Variants in ZNF717 observed in about 807,000 individuals in gnomAD.
ZNF717 encodes the protein krueppel-like factor X17.
ZNF717 carries 9 observed loss-of-function variants against 13.8 expected under a neutral mutation model. The observed-to-expected ratio is 0.65, with a 90% CI of 0.39 to 1.14. ZNF717 has a LOEUF of 1.14. Among genes scored for constraint, ZNF717 ranks in the 50% most tolerant of loss-of-function variants. The pLI is 0.01. For synonymous variants in ZNF717, 327 were observed against 364.1 expected (o/e 0.90, Z 1.16); for missense variants, 1,040 against 1,080.7 (o/e 0.96, Z 0.53).
At chr3:75,754,413 A>G (rs1942286602) in intron 2 of ZNF717, among the ~76,000 whole-genome samples, 1 of 149,470 alleles carries the variant, frequency 6.7e-6, no homozygotes, top group African/African-American at 2.5e-5. Flanking sequence ...AGACAAACCT[A>G]TGATTTTGGA....
Position 75,737,573 on chromosome 3 carries a change from A to G in ZNF717, c.2050T>C (p.Phe684Leu). ...RMDVMNVEKL[F>L]VRNHTLLYIR... ...TATAATAAGGTATGATTTCTGACAA[A>G]AAGTTTTTCCACATTCATTACATCC... The change falls in exon 5 of 5, where the codon TTT becomes CTT. Residue 684 changes from phenylalanine (F) to leucine (L), a missense_variant. By Grantham distance (22) the Phe-to-Leu change is conservative. Around this residue, in one of 3 missense-constraint regions of ZNF717, gnomAD observed 873 missense variants for 832.8 expected, o/e 1.05. Transcript: ENST00000652011. The G allele has an allele frequency of 6.5e-7, 1 of 1,544,974 alleles. No individual in the cohort carries two copies. Among genetic ancestry groups the G allele is most frequent in the Non-Finnish European group, 8.8e-7 (1 of 1,142,498 alleles).
intron 2 of ZNF717, among the ~76,000 whole-genome samples, chr3:75,755,030 G>A (rs961819252): frequency 2.6e-4 from 40 of 152,308 alleles, no homozygotes; most frequent in African/African-American, 9.1e-4. Flanking sequence ...CAAGAAGACA[G>A]TGAAATGGAA....
chr3:75,762,946 G>A (rs1943155730), intron 2 of ZNF717, among the ~76,000 whole-genome samples: 1 of 152,178 alleles, frequency 6.6e-6, no homozygotes, highest in Non-Finnish European at 1.5e-5. Context: ...AATGGTGAAG[G>A]ACAGTTTCTT....
At chr3:75,760,680 A>T (rs7624780) in intron 2 of ZNF717, among the ~76,000 whole-genome samples, 1 of 151,182 alleles carries the variant, frequency 6.6e-6, no homozygotes, top group Non-Finnish European at 1.5e-5. Flanking sequence ...GCTAAAGGGA[A>T]GCTTATAGCT....
At chr3:75,702,298 T>C (rs1215893018) in intron 6 of ZNF717, among the ~76,000 whole-genome samples, 8 of 152,082 alleles carry the variant, frequency 5.3e-5, no homozygotes, top group Admixed American at 2.0e-4. Flanking sequence ...TAAGAAAGAA[T>C]GAGAGTATAC....
downstream of ZNF717, among the ~76,000 whole-genome samples, chr3:75,705,605 C>T (rs1390588834): frequency 1.3e-5 from 2 of 152,262 alleles, no homozygotes; most frequent in Non-Finnish European, 2.9e-5. Context: ...TGGTCATCCT[C>T]TTCTCCCTCC....
At chr3:75,700,337 G>A (rs1253908669) in intron 6 of ZNF717, among the ~76,000 whole-genome samples, 1 of 152,160 alleles carries the variant, frequency 6.6e-6, no homozygotes, top group East Asian at 1.9e-4. Context: ...AGGTTGCAGT[G>A]AGCCAAGATC....
At chr3:75,732,377 T>C (rs1938641786), downstream of ZNF717, among the ~76,000 whole-genome samples, 1 of 152,246 alleles carries the variant, frequency 6.6e-6, no homozygotes, top group African/African-American at 2.4e-5. Flanking sequence ...TGAGGCCCAG[T>C]CGTAAGACTC....
intron 6 of ZNF717, among the ~76,000 whole-genome samples, chr3:75,701,889 A>T: frequency 6.6e-6 from 1 of 152,310 alleles, no homozygotes; most frequent in Non-Finnish European, 1.5e-5. Context: ...AAGGTGCTCC[A>T]CATTACTGAT....
chr3:75,764,571 A>T (rs570548872), intron 2 of ZNF717, among the ~76,000 whole-genome samples: 1 of 152,332 alleles, frequency 6.6e-6, no homozygotes, highest in Non-Finnish European at 1.5e-5. Context: ...CCCCGCTACA[A>T]CCCAACAACA....
intron 2 of ZNF717, among the ~76,000 whole-genome samples, chr3:75,748,274 G>A (rs1211813459): frequency 2.6e-5 from 4 of 152,106 alleles, no homozygotes; most frequent in African/African-American, 9.7e-5. Flanking sequence ...GGATAAGCTG[G>A]TACCATTCCT....
At chr3:75,772,057 G>A (rs1204525703) in intron 2 of ZNF717, among the ~76,000 whole-genome samples, 1 of 152,330 alleles carries the variant, frequency 6.6e-6, no homozygotes, top group East Asian at 1.9e-4. Flanking sequence ...GTTGAGGTGG[G>A]GCTAAGGATG....
chr3:75,736,846 T>C lies in ZNF717; in HGVS notation c.*32A>G. The C allele has an allele frequency of 1.3e-6, 2 of 1,508,838 alleles. No homozygotes were observed. The highest frequency in any genetic ancestry group is 1.8e-6 in the Non-Finnish European group (2 of 1,127,438). The allele number at this position is 1,508,838 out of a possible 1,614,324, so 93.5% of individuals were successfully genotyped here. ...CCTAGACTGAGCATGGAGAAATCTG[T>C]AATAGTAGCCAGAGAGGTGTAGGTT... On this transcript the variant is annotated 3_prime_UTR_variant, in exon 5 of 5. Transcript: ENST00000652011.
At chr3:75,747,486 C>T (rs1333298176) in intron 2 of ZNF717, among the ~76,000 whole-genome samples, 2 of 152,126 alleles carry the variant, frequency 1.3e-5, no homozygotes, top group Non-Finnish European at 2.9e-5. Flanking sequence ...TTCTTCCTAT[C>T]CATGAGCATG....
At chr3:75,777,657 G>A (rs538363813) in intron 2 of ZNF717, among the ~76,000 whole-genome samples, 1,506 of 150,220 alleles carry the variant, frequency 0.01, 32 homozygotes, top group African/African-American at 0.035. Flanking sequence ...TGCTAAAACC[G>A]GAACCCAAAA....
At chr3:75,777,308 C>T (rs1165940404) in intron 2 of ZNF717, among the ~76,000 whole-genome samples, 2 of 151,708 alleles carry the variant, frequency 1.3e-5, no homozygotes, top group African/African-American at 4.8e-5. Flanking sequence ...AAAACCGGAA[C>T]CCAAAACAAT....
At chr3:75,771,172 G>A (rs1175991286) in intron 2 of ZNF717, among the ~76,000 whole-genome samples, 4 of 152,208 alleles carry the variant, frequency 2.6e-5, no homozygotes, top group Non-Finnish European at 5.9e-5. Context: ...ACACACTGCT[G>A]AGTGTTCAGC....
intron 2 of ZNF717, among the ~76,000 whole-genome samples, chr3:75,758,703 A>G (rs374679693): frequency 6.6e-6 from 1 of 152,138 alleles, no homozygotes; most frequent in Non-Finnish European, 1.5e-5. Context: ...TTAAGGCAAG[A>G]CCCTCCATCA....
chr3:75,738,070 C>A lies in ZNF717; in HGVS notation c.1553G>T (p.Cys518Phe). The change falls in exon 5 of 5, where the codon TGT (cysteine) becomes TTT (phenylalanine). Residue 518 changes from cysteine to phenylalanine, a missense_variant. This residue lies in a region of ZNF717 where 873 missense variants were observed against 832.8 expected (regional missense o/e 1.05). Transcript: ENST00000652011. Reference sequence around the variant, plus strand: ...CTGATGGACAGTGAGGAATGACTTACAGCGAAAGGTTTTCCCACATTCATT... The same window carrying A: ...CTGATGGACAGTGAGGAATGACTTAAAGCGAAAGGTTTTCCCACATTCATT... ...ECNECGKTFR[C>F]KSFLTVHQRT... 6.8e-7 allele frequency: 1 copy of A among 1,463,990 alleles called. No individual in the cohort carries two copies. The highest frequency in any genetic ancestry group is 9.3e-7 in the Non-Finnish European group (1 of 1,076,796). 90.7% of individuals were successfully genotyped at this position (1,463,990 alleles called of 1,614,324 possible).
Sources: allele counts gnomAD v4.1 joint callset (sites outside exome capture counted in the v4.1 genomes callset), GRCh38; gene constraint gnomAD v4.1.1; regional missense constraint gnomAD v4.1.1; transcripts MANE v1.5; gene names NCBI Gene and HGNC (gene_info 2026-07-23, HGNC 2026-07-21).